Variants in PAQR5 observed in about 807,000 individuals in gnomAD.
PAQR5 encodes the protein progestin and adipoQ receptor family member 5.
A neutral mutation model predicts 34.5 loss-of-function variants in PAQR5; 20 were observed. That is an observed-to-expected ratio of 0.58 (90% CI 0.41 to 0.84). The LOEUF is 0.84. PAQR5 is among the 40% of genes least tolerant of loss of function. The pLI is 0.00. For synonymous variants in PAQR5, 131 were observed against 155.6 expected (o/e 0.84, Z 1.18); for missense variants, 378 against 412.7 (o/e 0.92, Z 0.73).
chr15:69,372,694 A>G (rs2055596580), intron 3 of PAQR5, among the ~76,000 whole-genome samples: 1 of 152,210 alleles, frequency 6.6e-6, no homozygotes. Context: ...CAGCCTATTT[A>G]AAGTTCTAGT....
chr15:69,317,069 C>G (rs1487362408), intron 1 of PAQR5, among the ~76,000 whole-genome samples: 1 of 152,190 alleles, frequency 6.6e-6, no homozygotes, highest in Non-Finnish European at 1.5e-5. Flanking sequence ...ATCTGCCCGC[C>G]TCAGCCCCCA....
intron 1 of PAQR5, among the ~76,000 whole-genome samples, chr15:69,311,744 C>A (rs2053838582): frequency 6.6e-6 from 1 of 152,220 alleles, no homozygotes; most frequent in South Asian, 2.1e-4. Flanking sequence ...CGCTCACTGA[C>A]CAAAGCCTGG....
In PAQR5 at chr15:69,339,401, G is replaced by A. The variant is rs577779211; in HGVS notation, c.-116+1900G>A. Among the ~76,000 whole-genome samples the A allele has an allele frequency of 1.5e-4, 23 of 152,142 alleles. No homozygotes were observed. The South Asian group carries it at 2.3e-3, about 15-fold the overall frequency. On this transcript the variant is annotated intron_variant, in intron 2 of 8. Transcript: ENST00000395407. ...GGGCTTCTTGTCCAGACATGCATCC[G>A]TCTGGGTACCTGGCGGCCTTAGTCC...
chr15:69,358,062 G>A (rs1246851734), intron 2 of PAQR5, among the ~76,000 whole-genome samples: 2 of 152,188 alleles, frequency 1.3e-5, no homozygotes, highest in Non-Finnish European at 2.9e-5. Context: ...GACTGATGAG[G>A]ACTATGAGGA....
At chr15:69,332,452 T>A (rs2054403370) in intron 1 of PAQR5, among the ~76,000 whole-genome samples, 1 of 152,176 alleles carries the variant, frequency 6.6e-6, no homozygotes, top group Non-Finnish European at 1.5e-5. Context: ...ATTTTGGGGT[T>A]CATGTCATAG....
chr15:69,305,270 C>T (rs1311464663), intron 1 of PAQR5, among the ~76,000 whole-genome samples: 1 of 152,174 alleles, frequency 6.6e-6, no homozygotes, highest in Non-Finnish European at 1.5e-5. Flanking sequence ...GACACTCCAT[C>T]TCTGGTTGAG....
rs143338319 is a variant in PAQR5, at chr15:69,377,487, T to G, written c.52-2396T>G. 2.8e-3 allele frequency among the ~76,000 whole-genome samples: 426 copies of G among 152,360 alleles called. 2 individuals are homozygous for G. The highest frequency in any genetic ancestry group is 7.9e-3 in the African/African-American group (329 of 41,588). The stretch of plus-strand genomic sequence containing the variant: ...AATCAAAAACTGGAACAAATCATTT[T>G]AATTACCTAAGACCCAAACCTAATT... On this transcript the variant is annotated intron_variant, in intron 3 of 8. Transcript: ENST00000395407.
Position 69,403,743 on chromosome 15 carries a change from T to C in PAQR5, c.914T>C (p.Phe305Ser), listed in dbSNP as rs749876905. The C allele has an allele frequency of 1.9e-6, 3 of 1,614,182 alleles. No individual in the cohort carries two copies. The highest frequency in any genetic ancestry group is 2.5e-6 in the Non-Finnish European group (3 of 1,180,006). Reference protein sequence around the residue: ...IAGAILLCIIFSLSNIIYFSA... With the variant: ...IAGAILLCIISSLSNIIYFSA... The stretch of plus-strand genomic sequence containing the variant: ...GGAGCCATACTTCTGTGCATCATCT[T>C]CAGCCTCAGCAACATAATTTATTTC... Residue 305 changes from phenylalanine to serine, a missense_variant, in exon 9 of 9, where the codon TTC becomes TCC. Coordinates refer to ENST00000395407, the MANE Select transcript of PAQR5 (RefSeq NM_017705.4).
At chr15:69,317,650 G>A (rs1035839578) in intron 1 of PAQR5, among the ~76,000 whole-genome samples, 4 of 152,218 alleles carry the variant, frequency 2.6e-5, no homozygotes, top group African/African-American at 9.6e-5. Context: ...GTTAATGATT[G>A]CTAGAAAAGC....
chr15:69,371,961 C>T (rs562024123), intron 3 of PAQR5, among the ~76,000 whole-genome samples: 2 of 152,064 alleles, frequency 1.3e-5, no homozygotes, highest in Admixed American at 6.5e-5. Flanking sequence ...CAAATCTAAG[C>T]GTTTAACAGC....
intron 2 of PAQR5, among the ~76,000 whole-genome samples, chr15:69,355,586 A>T (rs374615834): frequency 6.6e-6 from 1 of 150,970 alleles, no homozygotes; most frequent in African/African-American, 2.4e-5. Context: ...ACGCCCAGCT[A>T]ATTTTTGTAT....
At chr15:69,344,788 A>T (rs1197755562) in intron 2 of PAQR5, among the ~76,000 whole-genome samples, 1 of 152,188 alleles carries the variant, frequency 6.6e-6, no homozygotes, top group Non-Finnish European at 1.5e-5. Context: ...TTTTGAATAC[A>T]CTTATTTCTA....
rs7172559 is a variant in PAQR5 at position 69,385,159 on chromosome 15, C to T, written c.385+277C>T. Among the ~76,000 whole-genome samples, 2,771 of 152,308 alleles carry T rather than the reference C, an allele frequency of 0.018. 73 individuals carry two copies. Among genetic ancestry groups the T allele is most frequent in the East Asian group, 0.11 (565 of 5,184 alleles). On this transcript the variant is annotated intron_variant, in intron 5 of 8. Coordinates refer to ENST00000395407, the MANE Select transcript of PAQR5 (RefSeq NM_017705.4). This position sits in a 1 kb window ranked among gnomAD's most constrained non-coding sequence, Gnocchi z 4.7. ...ATCTTCCCATCATGTCCAGCTTCAA[C>T]CTACTAACATGACATCACAGAACAC...
intron 1 of PAQR5, among the ~76,000 whole-genome samples, chr15:69,314,987 A>G (rs912011697): frequency 1.3e-5 from 2 of 152,096 alleles, no homozygotes; most frequent in Admixed American, 1.3e-4. Flanking sequence ...CGGGCACTCT[A>G]TTAAATGTGA....
chr15:69,337,019 CTGAG>C (rs931534271), intron 1 of PAQR5, among the ~76,000 whole-genome samples: 4 of 152,160 alleles, frequency 2.6e-5, no homozygotes, highest in African/African-American at 9.7e-5. Flanking sequence ...ATACAAGACT[CTGAG>C]TGCAGGTCTC....
chr15:69,309,269 G>A (rs2053780369), intron 1 of PAQR5, among the ~76,000 whole-genome samples: 1 of 152,196 alleles, frequency 6.6e-6, no homozygotes, highest in African/African-American at 2.4e-5. Context: ...GAGAGATAGT[G>A]GAGGACCGTA....
intron 1 of PAQR5, among the ~76,000 whole-genome samples, chr15:69,300,037 C>T (rs1018602634): frequency 2.0e-5 from 3 of 152,202 alleles, no homozygotes; most frequent in Admixed American, 6.5e-5. Context: ...GGGCTTTTCT[C>T]CACCACTGAG....
chr15:69,334,497 A>T (rs1016749928), intron 1 of PAQR5, among the ~76,000 whole-genome samples: 10 of 152,180 alleles, frequency 6.6e-5, no homozygotes, highest in African/African-American at 2.4e-4. Flanking sequence ...GCATTAGATG[A>T]TAGGTAAGGC....
At chr15:69,349,580 A>T (rs2054857004) in intron 2 of PAQR5, among the ~76,000 whole-genome samples, 1 of 152,126 alleles carries the variant, frequency 6.6e-6, no homozygotes, top group Non-Finnish European at 1.5e-5. Context: ...TGAAACATGA[A>T]TCAAAACATG....
Sources: gnomAD v4.1 joint callset for allele counts (sites outside exome capture counted in the v4.1 genomes callset) on GRCh38, gnomAD v4.1.1 for gene constraint, Gnocchi (gnomAD v3.1) non-coding constraint, MANE v1.5 for transcripts, NCBI Gene and HGNC (gene_info 2026-07-23, HGNC 2026-07-21) for gene names.